Variants in INPP4B observed in about 807,000 individuals in gnomAD.
INPP4B encodes inositol polyphosphate-4-phosphatase type II B, also known as inositol polyphosphate 4-phosphatase type II.
Under a neutral mutation model 122.5 loss-of-function variants are expected in INPP4B, and 55 were observed. The ratio of observed to expected loss-of-function variants is 0.45; its 90% CI spans 0.36 to 0.56. The LOEUF is 0.56. Ranked by LOEUF, INPP4B falls within the 20% of genes least tolerant of loss-of-function variation. The pLI, the probability that INPP4B is intolerant of heterozygous loss-of-function variation, is 0.00. For synonymous variants in INPP4B, 403 were observed against 388.7 expected (o/e 1.04, Z -0.43); for missense variants, 1,000 against 1,097.7 (o/e 0.91, Z 1.26).
chr4:142,564,463 G>GAAAAA (rs1285948240), intron 2 of INPP4B, among the ~76,000 whole-genome samples: 1 of 113,632 alleles, frequency 8.8e-6, no homozygotes, highest in Admixed American at 9.4e-5. Context: ...AAGAAAGAAA[G>GAAAAA]AAAGAAAGAA....
intron 7 of INPP4B, among the ~76,000 whole-genome samples, chr4:142,322,052 T>C (rs2151424807): frequency 6.6e-6 from 1 of 152,282 alleles, no homozygotes; most frequent in South Asian, 2.1e-4. Context: ...GAGTAAGAGA[T>C]TAAGAAGACA....
chr4:142,054,588 C>T (rs1034036261), intron 25 of INPP4B, among the ~76,000 whole-genome samples: 6 of 46,884 alleles, frequency 1.3e-4, no homozygotes, highest in Admixed American at 1.2e-3. Flanking sequence ...CCAGAGGGTC[C>T]CATTTTTTTT....
At chr4:142,086,650 C>T (rs1776953913) in intron 23 of INPP4B, among the ~76,000 whole-genome samples, 1 of 152,342 alleles carries the variant, frequency 6.6e-6, no homozygotes, top group Middle Eastern at 3.4e-3. Flanking sequence ...CCACTGCACC[C>T]AGCCTCAAAC....
intron 7 of INPP4B, among the ~76,000 whole-genome samples, chr4:142,375,513 C>A (rs187628866): frequency 2.0e-5 from 3 of 151,988 alleles, no homozygotes; most frequent in Non-Finnish European, 4.4e-5. Context: ...TTTTGCACAT[C>A]CCACTCTAAG....
chr4:142,262,165 A>G (rs1285950904), intron 10 of INPP4B, among the ~76,000 whole-genome samples: 1 of 152,136 alleles, frequency 6.6e-6, no homozygotes, highest in Admixed American at 6.6e-5. Flanking sequence ...CATCAACGTT[A>G]TATTCATCAT....
intron 17 of INPP4B, among the ~76,000 whole-genome samples, chr4:142,157,288 A>C (rs540743784): frequency 6.6e-6 from 1 of 152,134 alleles, no homozygotes; most frequent in African/African-American, 2.4e-5. Context: ...TATTGTTTCT[A>C]TCTTTTTATA....
intron 2 of INPP4B, among the ~76,000 whole-genome samples, chr4:142,677,833 G>C (rs1039645054): frequency 3.3e-5 from 5 of 151,868 alleles, no homozygotes; most frequent in South Asian, 2.1e-4. Flanking sequence ...CATATACTGG[G>C]GTCTGCCAGG....
chr4:142,798,122 G>A (rs1475010330), intron 1 of INPP4B, among the ~76,000 whole-genome samples: 6 of 151,908 alleles, frequency 3.9e-5, no homozygotes, highest in Non-Finnish European at 7.4e-5. Context: ...TGAAATTACT[G>A]ATATTACAAA....
At chr4:142,649,786 C>T (rs537705940) in intron 2 of INPP4B, among the ~76,000 whole-genome samples, 14 of 152,314 alleles carry the variant, frequency 9.2e-5, no homozygotes, top group Middle Eastern at 3.4e-3. Flanking sequence ...AGTTGAAAAA[C>T]GCTCTTCAGG....
intron 2 of INPP4B, among the ~76,000 whole-genome samples, chr4:142,659,204 C>A (rs1754703966): frequency 1.3e-5 from 2 of 150,472 alleles, no homozygotes; most frequent in South Asian, 4.2e-4. Context: ...TTGAGACCAT[C>A]ATGGCTAACA....
intron 2 of INPP4B, among the ~76,000 whole-genome samples, chr4:142,635,771 C>T (rs1366674047): frequency 6.6e-6 from 1 of 151,936 alleles, no homozygotes; most frequent in Non-Finnish European, 1.5e-5. Flanking sequence ...GGCTTAATAC[C>T]TTGGTGATGA....
chr4:142,466,015 T>G (rs899949799), intron 2 of INPP4B, among the ~76,000 whole-genome samples: 1 of 152,136 alleles, frequency 6.6e-6, no homozygotes, highest in African/African-American at 2.4e-5. Context: ...TTACCTAGCC[T>G]CAGGTATTCC....
intron 9 of INPP4B, among the ~76,000 whole-genome samples, chr4:142,272,941 T>C (rs903062419): frequency 1.1e-4 from 17 of 152,012 alleles, no homozygotes; most frequent in Non-Finnish European, 2.5e-4. Flanking sequence ...GGCCTACGTA[T>C]GATATTCTAA....
At chr4:142,338,957 G>C (rs575895907) in intron 7 of INPP4B, among the ~76,000 whole-genome samples, 1 of 151,772 alleles carries the variant, frequency 6.6e-6, no homozygotes, top group Non-Finnish European at 1.5e-5. Context: ...GAGGGTCCAG[G>C]AGGGGAGAAC....
chr4:142,120,397 A>G (rs886854646), intron 21 of INPP4B, among the ~76,000 whole-genome samples: 17 of 152,214 alleles, frequency 1.1e-4, no homozygotes, highest in African/African-American at 3.8e-4. Flanking sequence ...TAGCGATTGC[A>G]ATGAATCTAT....
intron 23 of INPP4B, among the ~76,000 whole-genome samples, chr4:142,088,073 A>G: frequency 6.6e-6 from 1 of 152,208 alleles, no homozygotes. Flanking sequence ...TTCTCATACA[A>G]AAGAGAAAGT....
chr4:142,715,173 T>C (rs1198186098), intron 2 of INPP4B, among the ~76,000 whole-genome samples: 1 of 152,348 alleles, frequency 6.6e-6, no homozygotes, highest in East Asian at 1.9e-4. Flanking sequence ...TGAATCCTAG[T>C]ATTTAAAGGA....
chr4:142,277,822 A>T (rs1012141132), intron 9 of INPP4B, among the ~76,000 whole-genome samples: 4 of 151,890 alleles, frequency 2.6e-5, no homozygotes, highest in Non-Finnish European at 5.9e-5. Context: ...AAAACCAAAC[A>T]TCGTATGTTC....
At chr4:142,191,162 G>T (rs1835651522) in intron 15 of INPP4B, among the ~76,000 whole-genome samples, 1 of 152,104 alleles carries the variant, frequency 6.6e-6, no homozygotes, top group African/African-American at 2.4e-5. Flanking sequence ...GACTCTAAAA[G>T]GTAGACTAAA....
Sources: allele counts gnomAD v4.1 joint callset (sites outside exome capture counted in the v4.1 genomes callset), GRCh38; gene constraint gnomAD v4.1.1; transcripts MANE v1.5; gene names NCBI Gene and HGNC (gene_info 2026-07-23, HGNC 2026-07-21).